Variants in NRXN3 observed in about 807,000 individuals in gnomAD.
NRXN3 encodes the protein neurexin 3.
In NRXN3, 32 loss-of-function variants were observed where a neutral mutation model predicts 137.6. That is an observed-to-expected ratio of 0.23 (90% CI 0.18 to 0.31). The LOEUF is 0.31. NRXN3 is among the 10% of genes least tolerant of loss of function. The probability of loss-of-function intolerance (pLI) is 1.00; values close to 1 mark genes in which losing one functional copy is unlikely to be tolerated. For missense variants in NRXN3, 1,574 were observed against 2,062.5 expected (o/e 0.76, Z 4.59); for synonymous variants, 798 against 784.5 (o/e 1.02, Z -0.29).
intron 4 of NRXN3, among the ~76,000 whole-genome samples, chr14:78,324,672 G>A (rs2079829944): frequency 6.6e-6 from 1 of 152,084 alleles, no homozygotes; most frequent in Non-Finnish European, 1.5e-5. Flanking sequence ...GCAAATCACA[G>A]TTCTAGAAGG....
chr14:78,871,416 A>G (rs2099101025), intron 10 of NRXN3, among the ~76,000 whole-genome samples: 1 of 152,144 alleles, frequency 6.6e-6, no homozygotes, highest in Non-Finnish European at 1.5e-5. Context: ...TTCTTAAAAA[A>G]TTACATGATA....
intron 4 of NRXN3, among the ~76,000 whole-genome samples, chr14:78,584,475 G>A (rs1415490735): frequency 6.6e-6 from 1 of 151,886 alleles, no homozygotes; most frequent in South Asian, 2.1e-4. Context: ...GGTCCCAAAG[G>A]CTGAACATCA....
At chr14:79,524,085 G>T (rs1014267780) in intron 16 of NRXN3, among the ~76,000 whole-genome samples, 3 of 152,148 alleles carry the variant, frequency 2.0e-5, no homozygotes, top group Non-Finnish European at 4.4e-5. Context: ...ACTATCTTGC[G>T]GAGGAGAGGT....
At chr14:79,727,485 C>T (rs536142618) in intron 19 of NRXN3, among the ~76,000 whole-genome samples, 12 of 152,264 alleles carry the variant, frequency 7.9e-5, no homozygotes, top group African/African-American at 2.9e-4. Context: ...GTAATTGCAA[C>T]TTCAGGGTAG....
chr14:78,329,560 T>C (rs2080525118), intron 4 of NRXN3, among the ~76,000 whole-genome samples: 1 of 152,188 alleles, frequency 6.6e-6, no homozygotes, highest in Non-Finnish European at 1.5e-5. Flanking sequence ...TTCATTTTCA[T>C]TAAGAGCTTT....
At chr14:78,570,641 G>A (rs1566778265) in intron 4 of NRXN3, among the ~76,000 whole-genome samples, 1 of 152,196 alleles carries the variant, frequency 6.6e-6, no homozygotes, top group Non-Finnish European at 1.5e-5. Context: ...CTGGCAAAAG[G>A]AGACAGTCTT....
In NRXN3 at chr14:79,497,274, A is replaced by G. The variant is rs1453381513; in HGVS notation, c.3444+29872A>G. 2.0e-5 allele frequency among the ~76,000 whole-genome samples: 3 copies of G among 152,150 alleles called. No individual in the cohort carries two copies. The South Asian group carries it at 6.2e-4, about 32-fold the overall frequency. On this transcript the variant is annotated intron_variant, in intron 16 of 20. Coordinates refer to ENST00000335750, the MANE Select transcript of NRXN3 (RefSeq NM_001330195.2). ...CACTCCTTTGTTCGTGAACAAAGGAACCATAATCCCCCATGAACCATTCTG... is the reference window on the plus strand; with the variant it reads ...CACTCCTTTGTTCGTGAACAAAGGAGCCATAATCCCCCATGAACCATTCTG...
rs150369545 is a variant in NRXN3, at chr14:79,797,041, C to T, written c.4015-8071C>T. Among the ~76,000 whole-genome samples the T allele has an allele frequency of 1.6e-3, 245 of 152,288 alleles. 2 individuals are homozygous for T. Among genetic ancestry groups the T allele is most frequent in the African/African-American group, 3.6e-3 (149 of 41,554 alleles). ...GCCTGGTCCCAAGCACAGTGATTGA[C>T]TGGCACATCATAGGCAATTAATAAA... On this transcript the variant is annotated intron_variant, in intron 19 of 20. Transcript: ENST00000335750.
rs180944071 is a variant in NRXN3 at position 78,571,424 on chromosome 14, A to G, written c.758-73696A>G. 1.2e-4 allele frequency among the ~76,000 whole-genome samples: 19 copies of G among 152,248 alleles called. No individual in the cohort carries two copies. In the East Asian group the frequency reaches 3.5e-3, roughly 28 times the overall value. On this transcript the variant is annotated intron_variant, in intron 4 of 20. Coordinates refer to ENST00000335750, the MANE Select transcript of NRXN3 (RefSeq NM_001330195.2). ...AATTTATGGTTTTGGGCGCAGCTTT[A>G]GTTTTGTCTTTGGGGATGAGTATGT...
intron 4 of NRXN3, among the ~76,000 whole-genome samples, chr14:78,378,815 A>G (rs902907016): frequency 2.6e-5 from 4 of 152,158 alleles, no homozygotes; most frequent in African/African-American, 9.7e-5. Context: ...CAGAAAAACA[A>G]CCTAGAACAT....
In NRXN3 at chr14:78,497,108, A is replaced by G. The variant is rs111760114; in HGVS notation, c.758-148012A>G. Among the ~76,000 whole-genome samples, 1,292 of 152,162 alleles carry G rather than the reference A, an allele frequency of 8.5e-3. 20 individuals carry two copies. The highest frequency in any genetic ancestry group is 0.03 in the African/African-American group (1,241 of 41,526). On this transcript the variant is annotated intron_variant, in intron 4 of 20. Coordinates refer to ENST00000335750, the MANE Select transcript of NRXN3 (RefSeq NM_001330195.2). Reference sequence around the variant, plus strand: ...GGCCAGTGGCTATTTATTCCTGATGAGGCATTGTAGGATCTAGATCAAACT... The same window carrying G: ...GGCCAGTGGCTATTTATTCCTGATGGGGCATTGTAGGATCTAGATCAAACT...
intron 15 of NRXN3, among the ~76,000 whole-genome samples, chr14:79,420,017 C>T (rs1600034972): frequency 1.3e-5 from 2 of 152,194 alleles, no homozygotes; most frequent in East Asian, 3.9e-4. Flanking sequence ...ATCAGCCTAA[C>T]TCTAAAGGAA....
chr14:78,838,069 G>A (rs969503592), intron 10 of NRXN3, among the ~76,000 whole-genome samples: 1 of 152,062 alleles, frequency 6.6e-6, no homozygotes, highest in Admixed American at 6.6e-5. Flanking sequence ...TGATCACCAA[G>A]GAGGATAAAA....
chr14:78,308,048 A>G (rs1347126427), intron 4 of NRXN3, among the ~76,000 whole-genome samples: 1 of 152,026 alleles, frequency 6.6e-6, no homozygotes, highest in Non-Finnish European at 1.5e-5. Flanking sequence ...TGTAACAACG[A>G]TGGCAAGTAT....
At chr14:78,747,960 T>G (rs2152943114) in intron 8 of NRXN3, among the ~76,000 whole-genome samples, 1 of 152,354 alleles carries the variant, frequency 6.6e-6, no homozygotes, top group Non-Finnish European at 1.5e-5. Context: ...TTTAAAGCAC[T>G]TTCATTTTCA....
intron 9 of NRXN3, among the ~76,000 whole-genome samples, chr14:78,806,410 A>G (rs1458213182): frequency 7.2e-5 from 11 of 152,106 alleles, no homozygotes; most frequent in Admixed American, 3.3e-4. Context: ...ATTTTTCTCA[A>G]TTACAGAAGA....
At chr14:78,602,180 G>T (rs2097206999) in intron 4 of NRXN3, among the ~76,000 whole-genome samples, 1 of 151,468 alleles carries the variant, frequency 6.6e-6, no homozygotes, top group Non-Finnish European at 1.5e-5. Context: ...ATCACTACTG[G>T]TGCTATCACC....
chr14:78,476,239 A>C (rs2095375901), intron 4 of NRXN3, among the ~76,000 whole-genome samples: 1 of 152,244 alleles, frequency 6.6e-6, no homozygotes, highest in Non-Finnish European at 1.5e-5. Flanking sequence ...TAAACAAAGA[A>C]AGACACATAA....
chr14:79,573,626 C>T (rs541617147), intron 16 of NRXN3, among the ~76,000 whole-genome samples: 1 of 152,204 alleles, frequency 6.6e-6, no homozygotes, highest in East Asian at 1.9e-4. Flanking sequence ...AACCCTTTGC[C>T]TTGTGGCTTT....
Sources: gnomAD v4.1 joint callset for allele counts (sites outside exome capture counted in the v4.1 genomes callset) on GRCh38, gnomAD v4.1.1 for gene constraint, MANE v1.5 for transcripts, NCBI Gene and HGNC (gene_info 2026-07-23, HGNC 2026-07-21) for gene names.